The following CPNE7 variants were observed in gnomAD, a reference collection of about 807,000 sequenced individuals.
CPNE7 encodes the protein copine-7.
A neutral mutation model predicts 66.5 loss-of-function variants in CPNE7; 78 were observed. The ratio of observed to expected loss-of-function variants is 1.17; its 90% CI spans 0.98 to 1.42. CPNE7 has a LOEUF of 1.42. Among genes scored for constraint, CPNE7 ranks in the 40% most tolerant of loss-of-function variants. The pLI is 0.00. For missense variants in CPNE7, 1,012 were observed against 776.6 expected (o/e 1.30, Z -3.60); for synonymous variants, 468 against 336.7 (o/e 1.39, Z -4.27).
At chr16:89,580,552 TCCCATCA>T (rs1262614702) in intron 2 of CPNE7, among the ~76,000 whole-genome samples, 16 of 129,534 alleles carry the variant, frequency 1.2e-4, no homozygotes, top group Admixed American at 9.8e-4. Flanking sequence ...ACATGGAACA[TCCCATCA>T]CCCATCACAC....
rs755380868 is a variant in CPNE7, at chr16:89,584,769, C to T, written c.508-5C>T. The T allele has an allele frequency of 6.2e-6, 10 of 1,612,568 alleles. No homozygotes were observed. The highest frequency in any genetic ancestry group is 1.7e-5 in the Admixed American group (1 of 59,944). On this transcript the variant is annotated splice_polypyrimidine_tract_variant and splice_region_variant and intron_variant, in intron 4 of 14. Coordinates refer to ENST00000319518, the MANE Select transcript of CPNE7 (RefSeq NM_153636.3). The surrounding 1 kb of genome is among the most constrained non-coding windows in gnomAD (Gnocchi z 6.0). ...TGGCCCAGCAGCCCTTGTGCCTCTCCCCAGGACCTCTTCAGCAAGTCCGAC... is the reference window on the plus strand; with the variant it reads ...TGGCCCAGCAGCCCTTGTGCCTCTCTCCAGGACCTCTTCAGCAAGTCCGAC...
At chr16:89,589,429 C>T (rs961863886) in intron 10 of CPNE7, among the ~76,000 whole-genome samples, 3 of 152,212 alleles carry the variant, frequency 2.0e-5, no homozygotes, top group African/African-American at 2.4e-5. Flanking sequence ...GCTTGGGGCT[C>T]ACCCGCGTAT....
At chr16:89,591,425 C>A (rs150465390) in intron 13 of CPNE7, among the ~76,000 whole-genome samples, 165 bp downstream of exon 13, 1 of 152,332 alleles carries the variant, frequency 6.6e-6, no homozygotes, top group African/African-American at 2.4e-5. Flanking sequence ...ACTACGTCTC[C>A]CTCAAAGGTG....
intron 13 of CPNE7, chr16:89,594,040 T>C (rs2059215087): frequency 6.6e-6 from 1 of 152,286 alleles, no homozygotes; most frequent in Admixed American, 6.5e-5. Flanking sequence ...TCCTGTTGTC[T>C]TACCCGTGAC....
At chr16:89,577,756 G>A in intron 2 of CPNE7, 35 bp downstream of exon 2, 1 of 1,551,098 alleles carries the variant, frequency 6.4e-7, no homozygotes, top group Non-Finnish European at 8.7e-7. Context: ...GAGGAGGACG[G>A]TTGGCGTGGG....
At position 89,584,932 on chromosome 16, in the gene CPNE7, G is replaced by A. The variant is rs2059012106; in HGVS notation, c.591+75G>A. ...CCCTCACGCATCTCTGGCCACATGG[G>A]AGGAGCTCCCAGCCTCCAACAGGGA... On this transcript the variant is annotated intron_variant, in intron 5 of 14. Coordinates refer to ENST00000319518, the MANE Select transcript of CPNE7 (RefSeq NM_153636.3). The surrounding 1 kb of genome is among the most constrained non-coding windows in gnomAD (Gnocchi z 6.0). The A allele has an allele frequency of 3.0e-6, 4 of 1,326,832 alleles. No homozygotes were observed. The highest frequency in any genetic ancestry group is 1.8e-5 in the Admixed American group (1 of 56,364). 82.2% of individuals were successfully genotyped at this position (1,326,832 alleles called of 1,614,324 possible). A position where few individuals can be genotyped will look rare whatever the true frequency, so the allele number is the denominator to read the frequency against.
chr16:89,583,939 T>G (rs1163253771), intron 3 of CPNE7, 89 bp from the exon 4 acceptor site: 2 of 1,527,242 alleles, frequency 1.3e-6, no homozygotes, highest in Admixed American at 3.8e-5. Context: ...CCCCGCTGGG[T>G]GGGGTCAGCC....
rs755253774 is a variant in CPNE7 at position 89,588,701 on chromosome 16, T to A, written c.954T>A (p.Asn318Lys). The A allele has an allele frequency of 1.5e-5, 24 of 1,613,238 alleles. No homozygotes were observed. The highest frequency in any genetic ancestry group is 1.9e-5 in the Non-Finnish European group (23 of 1,179,938). ...FTVAIDFTAS[N>K]GDPRNSCSLH... ...TGGCCATTGACTTCACCGCCTCCAA[T>A]GGAGACCCGCGGAACAGCTGCTCCC... Residue 318 changes from asparagine to lysine, a missense_variant, in exon 10 of 15, where the codon AAT (asparagine) becomes AAA (lysine). By Grantham distance (94) the Asn-to-Lys change is moderately conservative. Transcript: ENST00000319518.
chr16:89,586,526 C>G, intron 7 of CPNE7, 144 bp from the exon 8 acceptor site: 1 of 643,064 alleles, frequency 1.6e-6, no homozygotes, highest in Non-Finnish European at 2.8e-6. Flanking sequence ...CTGCCCCTTC[C>G]TGCTGCCCTG....
Position 89,584,942 on chromosome 16 carries a change from C to CTGTTGG in CPNE7, c.591+85_591+86insTGTTGG. 8.4e-7 allele frequency: 1 copy of CTGTTGG among 1,189,972 alleles called. No individual in the cohort carries two copies. Among genetic ancestry groups the CTGTTGG allele is most frequent in the Non-Finnish European group, 1.2e-6 (1 of 813,464 alleles). The allele number at this position is 1,189,972 out of a possible 1,614,324, so 73.7% of individuals were successfully genotyped here. A position where few individuals can be genotyped will look rare whatever the true frequency, so the allele number is the denominator to read the frequency against. On this transcript the variant is annotated intron_variant, in intron 5 of 14. Transcript: ENST00000319518. This position sits in a 1 kb window ranked among gnomAD's most constrained non-coding sequence, Gnocchi z 6.0. ...TCTCTGGCCACATGGGAGGAGCTCC[C>CTGTTGG]AGCCTCCAACAGGGAGCTGTGGGCG...
At chr16:89,581,249 C>T (rs1473512801) in intron 2 of CPNE7, among the ~76,000 whole-genome samples, 1 of 151,102 alleles carries the variant, frequency 6.6e-6, no homozygotes, top group Non-Finnish European at 1.5e-5. Context: ...TCACACGGAA[C>T]ATCCGATCAC....
In CPNE7 at chr16:89,586,859, C is replaced by T. The variant is rs998540279; in HGVS notation, c.867+103C>T. 17 of 1,209,548 alleles carry T rather than the reference C, an allele frequency of 1.4e-5. No homozygotes were observed. The African/African-American group carries it at 2.3e-4, about 16-fold the overall frequency. The allele number at this position is 1,209,548 out of a possible 1,614,324, so 74.9% of individuals were successfully genotyped here. On this transcript the variant is annotated intron_variant, in intron 8 of 14. Transcript: ENST00000319518. ...CCTCAACCAGAGGCCTGGTGGGCCC[C>T]AGCACGTCTGGGGAGGGGCTGAGAG...
rs376611507 is a variant in CPNE7, at chr16:89,587,072, T to C, written c.897T>C (p.Tyr299=). ...ACAGGGTGTACTCCTTCCTGGACTA[T>C]ATCATGGGCGGCTGCCAGATCCACT... ...KFHRVYSFLD[Y]IMGGCQIHFT... Residue 299 remains tyrosine (Y), a synonymous_variant, in exon 9 of 15, where the codon TAT becomes TAC. Transcript: ENST00000319518. 6.3e-7 allele frequency: 1 copy of C among 1,577,496 alleles called. No homozygotes were observed.
chr16:89,588,386 G>A (rs1187713866), intron 9 of CPNE7, among the ~76,000 whole-genome samples: 1 of 152,206 alleles, frequency 6.6e-6, no homozygotes, highest in Non-Finnish European at 1.5e-5. Context: ...TGGTAGAGGG[G>A]TTGGGCGGCC....
intron 10 of CPNE7, 102 bp from the exon 11 acceptor site, chr16:89,589,795 C>A: frequency 7.8e-7 from 1 of 1,289,520 alleles, no homozygotes; most frequent in South Asian, 1.3e-5. Context: ...CAGGCCTGGG[C>A]ACCCCCAGTC....
intron 3 of CPNE7, 122 bp downstream of exon 3, chr16:89,583,893 C>A: frequency 6.9e-7 from 1 of 1,444,038 alleles, no homozygotes; most frequent in Non-Finnish European, 9.5e-7. Context: ...CCGGCAGCTA[C>A]ACAGCCCCGG....
At position 89,589,805 on chromosome 16, in the gene CPNE7, CT is replaced by C. The variant is rs1384759546; in HGVS notation, c.1062-88del. On this transcript the variant is annotated intron_variant, in intron 10 of 14. Transcript: ENST00000319518. Reference sequence around the variant, plus strand: ...GGTACCAGGCCTGGGCACCCCCAGTCTTTTGGGCGCCAGTCATGTCTCCCTA... The same window carrying C: ...GGTACCAGGCCTGGGCACCCCCAGTCTTTGGGCGCCAGTCATGTCTCCCTA... 2.9e-5 allele frequency: 42 copies of C among 1,430,226 alleles called. No individual in the cohort carries two copies. The Middle Eastern group carries it at 5.3e-4, about 18-fold the overall frequency. 88.6% of individuals were successfully genotyped at this position (1,430,226 alleles called of 1,614,324 possible). A position where few individuals can be genotyped will look rare whatever the true frequency, so the allele number is the denominator to read the frequency against.
intron 9 of CPNE7, 21 bp downstream of exon 9, chr16:89,587,123 C>G (rs1597706315): frequency 2.1e-6 from 3 of 1,453,788 alleles, no homozygotes; most frequent in Non-Finnish European, 2.8e-6. Flanking sequence ...GGCCCCGCCC[C>G]ATGCCGCCCC....
At chr16:89,580,870 G>A (rs866408836) in intron 2 of CPNE7, among the ~76,000 whole-genome samples, 9 of 136,398 alleles carry the variant, frequency 6.6e-5, no homozygotes, top group African/African-American at 2.5e-4. Flanking sequence ...CCCGTCACAC[G>A]GAACATGCCA....
Sources: gnomAD v4.1 joint callset for allele counts (sites outside exome capture counted in the v4.1 genomes callset) on GRCh38, gnomAD v4.1.1 for gene constraint, Gnocchi (gnomAD v3.1) non-coding constraint, MANE v1.5 for transcripts, NCBI Gene and HGNC (gene_info 2026-07-23, HGNC 2026-07-21) for gene names.